The following SUGCT variants were observed in gnomAD, a reference collection of about 807,000 sequenced individuals.
SUGCT encodes the protein succinyl-CoA:glutarate-CoA transferase, also known as succinyl-CoA:glutarate CoA-transferase.
In SUGCT, 41 loss-of-function variants were observed where a neutral mutation model predicts 55.0. The ratio of observed to expected loss-of-function variants is 0.74; its 90% CI spans 0.58 to 0.97. The LOEUF (loss-of-function observed/expected upper bound fraction) is 0.97. SUGCT is among the 50% of genes least tolerant of loss of function. The pLI, the probability that SUGCT is intolerant of heterozygous loss-of-function variation, is 0.00. For missense variants in SUGCT, 568 were observed against 547.8 expected (o/e 1.04, Z -0.37); for synonymous variants, 187 against 200.4 (o/e 0.93, Z 0.56).
intron 8 of SUGCT, among the ~76,000 whole-genome samples, chr7:40,312,182 G>T (rs1795195254): frequency 6.6e-6 from 1 of 151,978 alleles, no homozygotes; most frequent in Non-Finnish European, 1.5e-5. Context: ...TGGGATTGCA[G>T]GCATGCTCCA....
the SUGCT span, among the ~76,000 whole-genome samples, chr7:40,943,053 C>G: frequency 4.6e-5 from 7 of 151,616 alleles, no homozygotes; most frequent in Non-Finnish European, 7.4e-5. Context: ...AATTTTTTAT[C>G]TGATATCTCA....
intron 13 of SUGCT, among the ~76,000 whole-genome samples, chr7:40,753,301 T>A (rs1788104161): frequency 6.6e-6 from 1 of 152,152 alleles, no homozygotes; most frequent in South Asian, 2.1e-4. Flanking sequence ...TAGACATAAC[T>A]CAGTTTCCTC....
chr7:40,246,054 C>T (rs1446433021), intron 7 of SUGCT, among the ~76,000 whole-genome samples: 1 of 151,716 alleles, frequency 6.6e-6, no homozygotes, highest in Non-Finnish European at 1.5e-5. Context: ...AGGCTGGGTT[C>T]GATTATTATT....
chr7:40,370,827 A>G (rs574369915), intron 9 of SUGCT, among the ~76,000 whole-genome samples: 12 of 152,034 alleles, frequency 7.9e-5, no homozygotes, highest in Non-Finnish European at 1.3e-4. Context: ...TGTAACTGCT[A>G]TTTGCATTTG....
At chr7:40,420,220 TAC>T (rs1164944230) in intron 9 of SUGCT, among the ~76,000 whole-genome samples, 1 of 152,178 alleles carries the variant, frequency 6.6e-6, no homozygotes, top group African/African-American at 2.4e-5. Context: ...ATGTTGCTGT[TAC>T]TAGCTGCAGT....
intron 12 of SUGCT, among the ~76,000 whole-genome samples, chr7:40,597,474 T>G (rs928029479): frequency 2.0e-5 from 3 of 152,172 alleles, no homozygotes. Flanking sequence ...ACAAATAAGG[T>G]CATGTGGTAG....
At chr7:40,727,360 C>G (rs903068799) in intron 12 of SUGCT, among the ~76,000 whole-genome samples, 1 of 152,174 alleles carries the variant, frequency 6.6e-6, no homozygotes, top group Non-Finnish European at 1.5e-5. Flanking sequence ...ATTTTGGAAA[C>G]TGTTTGCCAA....
At chr7:40,398,532 T>C (rs1393473870) in intron 9 of SUGCT, among the ~76,000 whole-genome samples, 2 of 118,734 alleles carry the variant, frequency 1.7e-5, no homozygotes, top group South Asian at 2.6e-4. Flanking sequence ...TTTTTTTTTT[T>C]CTAATTTTCT....
the SUGCT span, among the ~76,000 whole-genome samples, chr7:41,035,512 A>G: frequency 6.6e-6 from 1 of 152,140 alleles, no homozygotes; most frequent in Non-Finnish European, 1.5e-5. Flanking sequence ...CCATCCCTCT[A>G]TACTCTCACC....
chr7:40,798,486 TTTTTG>T (rs1790657437), intron 13 of SUGCT, among the ~76,000 whole-genome samples: 1 of 152,204 alleles, frequency 6.6e-6, no homozygotes. Flanking sequence ...TATAAGAATT[TTTTTG>T]TTGACAGCAG....
chr7:40,363,833 T>C (rs1429970255), intron 9 of SUGCT, among the ~76,000 whole-genome samples: 1 of 152,196 alleles, frequency 6.6e-6, no homozygotes, highest in African/African-American at 2.4e-5. Context: ...TTAGGTCCGC[T>C]TGGTGCAGAG....
At chr7:40,659,874 G>C (rs1351253111) in intron 12 of SUGCT, among the ~76,000 whole-genome samples, 1 of 152,072 alleles carries the variant, frequency 6.6e-6, no homozygotes, top group Non-Finnish European at 1.5e-5. Context: ...ACACTACACT[G>C]TGAGTGGGAG....
chr7:40,685,267 CTG>C (rs1255243658), intron 12 of SUGCT, among the ~76,000 whole-genome samples: 1 of 152,130 alleles, frequency 6.6e-6, no homozygotes, highest in Non-Finnish European at 1.5e-5. Context: ...AGTTGTAAAA[CTG>C]TGTGATACAA....
chr7:40,892,711 T>G, the SUGCT span, among the ~76,000 whole-genome samples: 4 of 152,134 alleles, frequency 2.6e-5, no homozygotes, highest in South Asian at 2.1e-4. Context: ...TTAAAAAAAT[T>G]TTCTTTTGTG....
intron 13 of SUGCT, among the ~76,000 whole-genome samples, chr7:40,799,758 C>A (rs1295281545): frequency 6.6e-6 from 1 of 151,936 alleles, no homozygotes; most frequent in Admixed American, 6.6e-5. Flanking sequence ...ATTAATTTTT[C>A]AGAAAACCTG....
intron 12 of SUGCT, among the ~76,000 whole-genome samples, chr7:40,615,248 A>AT (rs1388273849): frequency 6.6e-6 from 1 of 152,006 alleles, no homozygotes; most frequent in Admixed American, 6.6e-5. Flanking sequence ...GTTTTCAAAG[A>AT]TTTTTTTTCT....
chr7:40,998,432 T>C, the SUGCT span, among the ~76,000 whole-genome samples: 372 of 152,044 alleles, frequency 2.4e-3, 7 homozygotes, highest in Non-Finnish European at 3.4e-4. Context: ...AAAAAACTGC[T>C]CCAGAATAAA....
In SUGCT at chr7:40,532,141, G is replaced by A. The variant is rs371541647; in HGVS notation, c.1089+35755G>A. Among the ~76,000 whole-genome samples the A allele has an allele frequency of 5.9e-5, 9 of 152,318 alleles. No homozygotes were observed. In the East Asian group the frequency reaches 1.5e-3, roughly 26 times the overall value. The stretch of plus-strand genomic sequence containing the variant: ...GGTCTCATACAGATGTTCATCTGGG[G>A]TTGGTTAAAATTGTTTTGAAATTTC... On this transcript the variant is annotated intron_variant, in intron 12 of 13. Coordinates refer to ENST00000335693, the MANE Select transcript of SUGCT (RefSeq NM_001193313.2).
intron 13 of SUGCT, among the ~76,000 whole-genome samples, chr7:40,809,081 A>G (rs1791260648): frequency 6.6e-6 from 1 of 152,220 alleles, no homozygotes; most frequent in African/African-American, 2.4e-5. Flanking sequence ...TATCAAAAAC[A>G]TGGATTTTGC....
Sources: allele counts gnomAD v4.1 joint callset (sites outside exome capture counted in the v4.1 genomes callset), GRCh38; gene constraint gnomAD v4.1.1; transcripts MANE v1.5; gene names NCBI Gene and HGNC (gene_info 2026-07-23, HGNC 2026-07-21).